THRB: variants seen among roughly 807,000 people sequenced by gnomAD.
THRB encodes thyroid hormone receptor beta, also known as nuclear receptor subfamily 1 group A member 2.
A neutral mutation model predicts 47.8 loss-of-function variants in THRB; 12 were observed. The observed-to-expected ratio is 0.25, with a 90% CI of 0.16 to 0.41. THRB has a LOEUF of 0.41. Among genes scored for constraint, THRB ranks in the 10% least tolerant of loss-of-function variants. The pLI, the probability that THRB is intolerant of heterozygous loss-of-function variation, is 1.00. For synonymous variants in THRB, 218 were observed against 212.2 expected, an observed-to-expected ratio of 1.03 and a Z score of -0.24; for missense variants, 348 against 589.2, an observed-to-expected ratio of 0.59 and a Z score of 4.24.
At chr3:24,471,420 C>T (rs763618333) in intron 1 of THRB, among the ~76,000 whole-genome samples, 10 of 152,206 alleles carry the variant, frequency 6.6e-5, no homozygotes, top group African/African-American at 1.2e-4. Flanking sequence ...TCAGTGCATA[C>T]TAAATTAATA....
intron 4 of THRB, among the ~76,000 whole-genome samples, chr3:24,220,070 A>C (rs1404459895): frequency 6.6e-6 from 1 of 152,298 alleles, no homozygotes; most frequent in African/African-American, 2.4e-5. Flanking sequence ...GTTGAGAACC[A>C]CTGTGTCCCA....
At chr3:24,215,727 C>T (rs533741726) in intron 4 of THRB, among the ~76,000 whole-genome samples, 15 of 152,320 alleles carry the variant, frequency 9.8e-5, no homozygotes, top group Non-Finnish European at 1.6e-4. Context: ...CAGTGAGACA[C>T]GGCCATGTGA....
At chr3:24,320,286 A>G (rs2058397973) in intron 2 of THRB, among the ~76,000 whole-genome samples, 1 of 152,234 alleles carries the variant, frequency 6.6e-6, no homozygotes, top group Admixed American at 6.5e-5. Flanking sequence ...GAGATGCTCC[A>G]GAAAAATGTA....
chr3:24,341,901 C>T (rs2062680049), intron 1 of THRB, among the ~76,000 whole-genome samples: 1 of 152,088 alleles, frequency 6.6e-6, no homozygotes, highest in Non-Finnish European at 1.5e-5. Flanking sequence ...CCTAGACCAG[C>T]CAAGTCCCAT....
chr3:24,233,148 T>A (rs974702473), intron 3 of THRB, among the ~76,000 whole-genome samples: 5 of 152,190 alleles, frequency 3.3e-5, no homozygotes, highest in Non-Finnish European at 5.9e-5. Context: ...GTTTGTATTT[T>A]AAAAATCCAA....
At chr3:24,290,389 G>A (rs1364616328) in intron 3 of THRB, among the ~76,000 whole-genome samples, 1 of 152,176 alleles carries the variant, frequency 6.6e-6, no homozygotes, top group Non-Finnish European at 1.5e-5. Flanking sequence ...TATCTGAAAT[G>A]TCTGAATTAA....
intron 4 of THRB, 88 bp downstream of exon 4, chr3:24,228,850 C>T (rs543526585): frequency 4.6e-5 from 59 of 1,277,624 alleles, no homozygotes; most frequent in South Asian, 9.0e-5. Flanking sequence ...TGCTAAAACT[C>T]GCAAGTTAAT....
At chr3:24,441,086 G>C (rs1409904258) in intron 1 of THRB, among the ~76,000 whole-genome samples, 4 of 152,142 alleles carry the variant, frequency 2.6e-5, no homozygotes, top group Non-Finnish European at 4.4e-5. Context: ...GCAGGAAAAA[G>C]ATCCCTACTT....
intron 4 of THRB, among the ~76,000 whole-genome samples, chr3:24,196,484 C>A (rs1489359449): frequency 6.6e-6 from 1 of 152,192 alleles, no homozygotes; most frequent in African/African-American, 2.4e-5. Context: ...ACATTGTAAG[C>A]ATGCACTAAT....
At chr3:24,256,722 C>T (rs1391356045) in intron 3 of THRB, among the ~76,000 whole-genome samples, 1 of 151,868 alleles carries the variant, frequency 6.6e-6, no homozygotes, top group African/African-American at 2.4e-5. Context: ...GGTGTCAGGA[C>T]AATTAGAGTT....
intron 9 of THRB, among the ~76,000 whole-genome samples, 190 bp from the exon 10 acceptor site, chr3:24,127,947 GACTGTAATCTTC>G (rs1404964080): frequency 2.0e-5 from 3 of 152,152 alleles, no homozygotes; most frequent in Non-Finnish European, 4.4e-5. Flanking sequence ...ACTCAAAGTT[GACTGTAATCTTC>G]ACCAACTTTA....
intron 2 of THRB, among the ~76,000 whole-genome samples, chr3:24,310,629 A>G (rs920462129): frequency 1.3e-5 from 2 of 152,190 alleles, no homozygotes; most frequent in South Asian, 4.1e-4. Flanking sequence ...TGAGCACCAC[A>G]TTTTGGGACT....
intron 1 of THRB, among the ~76,000 whole-genome samples, chr3:24,431,261 T>TCTACACACAC (rs767685100): frequency 3.9e-4 from 53 of 135,792 alleles, no homozygotes; most frequent in African/African-American, 1.4e-3. Context: ...TCTCTCTCTC[T>TCTACACACAC]ACACACACAC....
intron 1 of THRB, among the ~76,000 whole-genome samples, chr3:24,475,975 CT>C (rs1456200054): frequency 1.3e-5 from 2 of 152,180 alleles, no homozygotes; most frequent in Admixed American, 6.5e-5. Context: ...ATCTGAGGCC[CT>C]GAAGATCAGG....
chr3:24,158,682 G>GA (rs1186354678), intron 5 of THRB, among the ~76,000 whole-genome samples: 1 of 152,156 alleles, frequency 6.6e-6, no homozygotes, highest in Non-Finnish European at 1.5e-5. Context: ...TACCTGCCTC[G>GA]GCCTCCCAAG....
chr3:24,176,981 G>C (rs1050955814), intron 5 of THRB, among the ~76,000 whole-genome samples: 1 of 152,062 alleles, frequency 6.6e-6, no homozygotes, highest in African/African-American at 2.4e-5. Flanking sequence ...AATAGATGCA[G>C]GGCTACAAAC....
At chr3:24,476,965 T>C (rs1469654700) in intron 1 of THRB, among the ~76,000 whole-genome samples, 1 of 151,792 alleles carries the variant, frequency 6.6e-6, no homozygotes, top group Non-Finnish European at 1.5e-5. Context: ...CTGGCCAATA[T>C]ATAAAAAGAG....
chr3:24,429,530 A>C (rs1181514863), intron 1 of THRB, among the ~76,000 whole-genome samples: 5 of 152,164 alleles, frequency 3.3e-5, no homozygotes, highest in African/African-American at 1.2e-4. Context: ...TCTCCCATTG[A>C]GCTCTGTCCT....
intron 1 of THRB, among the ~76,000 whole-genome samples, chr3:24,377,565 C>T (rs186621667): frequency 3.9e-5 from 6 of 152,252 alleles, no homozygotes; most frequent in Admixed American, 3.9e-4. Context: ...AAGGATTTTG[C>T]AAACCTGATA....
Sources: allele counts gnomAD v4.1 joint callset (sites outside exome capture counted in the v4.1 genomes callset), GRCh38; gene constraint gnomAD v4.1.1; transcripts MANE v1.5; gene names NCBI Gene and HGNC (gene_info 2026-07-23, HGNC 2026-07-21).